NCKAP5: variants seen among roughly 807,000 people sequenced by gnomAD.
The protein encoded by NCKAP5 is nck-associated protein 5.
A neutral mutation model predicts 167.0 loss-of-function variants in NCKAP5; 92 were observed. The ratio of observed to expected loss-of-function variants is 0.55; its 90% CI spans 0.47 to 0.66. NCKAP5 has a LOEUF of 0.66. Ranked by LOEUF, NCKAP5 falls within the 30% of genes least tolerant of loss-of-function variation. The pLI is 0.00. For missense variants in NCKAP5, 2,378 were observed against 2,315.0 expected, an observed-to-expected ratio of 1.03 and a Z score of -0.56; for synonymous variants, 891 against 877.4, an observed-to-expected ratio of 1.02 and a Z score of -0.27.
chr2:133,261,628 G>A, intron 4 of NCKAP5, among the ~76,000 whole-genome samples: 1 of 152,148 alleles, frequency 6.6e-6, no homozygotes, highest in East Asian at 1.9e-4. Flanking sequence ...TGCAGCCCAA[G>A]CACAGTGACT....
intron 4 of NCKAP5, among the ~76,000 whole-genome samples, chr2:133,223,001 C>G (rs1337027985): frequency 6.6e-6 from 1 of 152,078 alleles, no homozygotes; most frequent in African/African-American, 2.4e-5. Context: ...AATGGGAAAA[C>G]CACCATTACA....
chr2:133,549,211 G>T (rs1687045708), intron 2 of NCKAP5, among the ~76,000 whole-genome samples: 1 of 151,872 alleles, frequency 6.6e-6, no homozygotes, highest in Non-Finnish European at 1.5e-5. Context: ...CAATACAGGA[G>T]CACCCAGGTT....
In NCKAP5 at chr2:133,203,755, T is replaced by C. The variant is rs145605602; in HGVS notation, c.207+9961A>G. On this transcript the variant is annotated intron_variant, in intron 5 of 19. Transcript: ENST00000409261. ...AGGGCAGAGTGCTATACAAAAAGAA[T>C]ACGATCTTTGGGAATGGTATTTTTC... 6.7e-4 allele frequency among the ~76,000 whole-genome samples: 102 copies of C among 152,248 alleles called. No individual in the cohort carries two copies. The East Asian group carries it at 0.019, about 29-fold the overall frequency.
At chr2:133,046,446 A>C (rs2079402259) in intron 6 of NCKAP5, among the ~76,000 whole-genome samples, 1 of 152,010 alleles carries the variant, frequency 6.6e-6, no homozygotes, top group Admixed American at 6.6e-5. Flanking sequence ...TGGTGTGATC[A>C]TGGCTCACTA....
chr2:133,506,750 C>T (rs1683046981), intron 3 of NCKAP5, among the ~76,000 whole-genome samples: 1 of 152,184 alleles, frequency 6.6e-6, no homozygotes. Flanking sequence ...CCTGCCACCC[C>T]TTTTAAAGAG....
chr2:133,081,910 G>A (rs559525365), intron 6 of NCKAP5, among the ~76,000 whole-genome samples: 2 of 152,158 alleles, frequency 1.3e-5, no homozygotes, highest in East Asian at 1.9e-4. Flanking sequence ...TAGTTTCAGG[G>A]GTACATGTGC....
intron 3 of NCKAP5, among the ~76,000 whole-genome samples, chr2:133,500,321 T>C (rs1459960651): frequency 6.6e-6 from 1 of 152,240 alleles, no homozygotes; most frequent in East Asian, 1.9e-4. Context: ...TTTATCCCTC[T>C]GAAGTTCACA....
intron 19 of NCKAP5, among the ~76,000 whole-genome samples, chr2:132,703,327 A>G (rs1367192275): frequency 3.3e-5 from 5 of 152,248 alleles, no homozygotes; most frequent in Non-Finnish European, 7.3e-5. Context: ...GGGACATGTA[A>G]AAGTATTCTG....
the NCKAP5 span, among the ~76,000 whole-genome samples, chr2:133,583,607 G>T: frequency 1.3e-5 from 2 of 152,098 alleles, no homozygotes; most frequent in Non-Finnish European, 2.9e-5. Flanking sequence ...GTTTGTAAAA[G>T]TTCACATAAA....
Position 133,561,039 on chromosome 2 carries a change from C to T in NCKAP5, c.-129-1922G>A, listed in dbSNP as rs528723666. 2.0e-5 allele frequency among the ~76,000 whole-genome samples: 3 copies of T among 152,298 alleles called. No individual in the cohort carries two copies. In the South Asian group the frequency reaches 6.2e-4, roughly 32 times the overall value. The stretch of plus-strand genomic sequence containing the variant: ...TTATTAATGATCTATTCTAATTCTC[C>T]AATTTCCTCTTAAGAAAACAATGAA... On this transcript the variant is annotated intron_variant, in intron 1 of 19. Transcript: ENST00000409261.
chr2:132,912,808 C>T (rs1694557307), intron 8 of NCKAP5, among the ~76,000 whole-genome samples: 1 of 152,122 alleles, frequency 6.6e-6, no homozygotes. Flanking sequence ...TTGAGGCTTC[C>T]GTTTAAATCA....
At chr2:133,333,535 C>T in intron 3 of NCKAP5, among the ~76,000 whole-genome samples, 1 of 152,286 alleles carries the variant, frequency 6.6e-6, no homozygotes, top group African/African-American at 2.4e-5. Context: ...ACGGTCCTAC[C>T]TTTCTACAGC....
At chr2:133,592,942 C>G in the NCKAP5 span, among the ~76,000 whole-genome samples, 1 of 152,136 alleles carries the variant, frequency 6.6e-6, no homozygotes, top group Non-Finnish European at 1.5e-5. Flanking sequence ...AGCCCAGACA[C>G]CAGAAAACAA....
the NCKAP5 span, among the ~76,000 whole-genome samples, chr2:133,620,228 T>C: frequency 1.3e-5 from 2 of 151,636 alleles, no homozygotes; most frequent in Non-Finnish European, 2.9e-5. Context: ...TAGAATAGTA[T>C]CTCATGTCTA....
chr2:133,570,020 C>A (rs79759853), upstream of NCKAP5, among the ~76,000 whole-genome samples: 6,302 of 151,848 alleles, frequency 0.042, 213 homozygotes, highest in East Asian at 0.14. Context: ...TATTTGTAAG[C>A]CAATAAAAGG....
At chr2:132,702,996 T>C (rs774578894) in intron 19 of NCKAP5, among the ~76,000 whole-genome samples, 3 of 152,044 alleles carry the variant, frequency 2.0e-5, no homozygotes, top group Non-Finnish European at 2.9e-5. Flanking sequence ...CTGGGCAATA[T>C]AGTGAGACCC....
At chr2:133,003,055 T>G (rs185506952) in intron 6 of NCKAP5, among the ~76,000 whole-genome samples, 2 of 152,294 alleles carry the variant, frequency 1.3e-5, no homozygotes, top group Admixed American at 6.5e-5. Context: ...AATGTCTGTA[T>G]GCTTCAACTC....
intron 3 of NCKAP5, among the ~76,000 whole-genome samples, chr2:133,411,645 G>A (rs1442058099): frequency 6.6e-6 from 1 of 152,186 alleles, no homozygotes; most frequent in Non-Finnish European, 1.5e-5. Context: ...GGAAAACAGG[G>A]AGGGTGCGGA....
intron 3 of NCKAP5, among the ~76,000 whole-genome samples, chr2:133,505,141 T>A (rs1395437648): frequency 6.6e-6 from 1 of 152,102 alleles, no homozygotes; most frequent in Non-Finnish European, 1.5e-5. Context: ...TTACCTGTTA[T>A]AAATAGACAC....
Sources: gnomAD v4.1 joint callset for allele counts (sites outside exome capture counted in the v4.1 genomes callset) on GRCh38, gnomAD v4.1.1 for gene constraint, MANE v1.5 for transcripts, NCBI Gene and HGNC (gene_info 2026-07-23, HGNC 2026-07-21) for gene names.